Variants in UPP2 observed in about 807,000 individuals in gnomAD.
The protein encoded by UPP2 is uridine phosphorylase 2, also known as UPase 2.
UPP2 carries 23 observed loss-of-function variants against 26.7 expected under a neutral mutation model. The ratio of observed to expected loss-of-function variants is 0.86; its 90% CI spans 0.62 to 1.22. The LOEUF (loss-of-function observed/expected upper bound fraction) is 1.22, where lower values mean the gene tolerates loss of function less well. UPP2 is among the 50% of genes most tolerant of loss of function. The pLI, the probability that UPP2 is intolerant of heterozygous loss-of-function variation, is 0.00. For missense variants in UPP2, 387 were observed against 396.7 expected, an observed-to-expected ratio of 0.98 and a Z score of 0.21; for synonymous variants, 127 against 141.3, an observed-to-expected ratio of 0.90 and a Z score of 0.72.
chr2:158,044,657 GT>G (rs1359802458), intron 3 of UPP2, among the ~76,000 whole-genome samples: 1 of 152,150 alleles, frequency 6.6e-6, no homozygotes, highest in Non-Finnish European at 1.5e-5. Context: ...GTTCGATCAG[GT>G]ATTTTGGTTT....
intron 3 of UPP2, among the ~76,000 whole-genome samples, chr2:158,031,796 T>A (rs184056960): frequency 7.9e-4 from 120 of 152,334 alleles, no homozygotes; most frequent in Non-Finnish European, 1.6e-3. Flanking sequence ...ATTTCCTACA[T>A]TTTTGGTTTT....
chr2:158,118,954 G>A (rs887570355), intron 4 of UPP2, among the ~76,000 whole-genome samples: 2 of 152,018 alleles, frequency 1.3e-5, no homozygotes, highest in African/African-American at 2.4e-5. Context: ...TTACATCTGG[G>A]AGAAAGTAGG....
intron 3 of UPP2, 83 bp from the exon 4 acceptor site, chr2:158,117,741 T>C: frequency 1.8e-6 from 2 of 1,086,988 alleles, no homozygotes; most frequent in Non-Finnish European, 2.8e-6. Context: ...TGAGGCCTGT[T>C]AACTTGTAAT....
intron 2 of UPP2, among the ~76,000 whole-genome samples, chr2:158,015,231 A>G (rs1574246197): frequency 1.3e-5 from 2 of 151,946 alleles, no homozygotes; most frequent in Admixed American, 1.3e-4. Flanking sequence ...TTAAACAACA[A>G]CTTCCCACTC....
intron 3 of UPP2, among the ~76,000 whole-genome samples, chr2:158,076,708 G>C (rs1682635965): frequency 1.3e-5 from 2 of 151,970 alleles, no homozygotes; most frequent in Non-Finnish European, 2.9e-5. Flanking sequence ...CTCACAGCTA[G>C]TATAATCCTG....
chr2:158,089,099 C>T (rs931520487), intron 3 of UPP2, among the ~76,000 whole-genome samples: 4 of 151,990 alleles, frequency 2.6e-5, no homozygotes, highest in African/African-American at 9.7e-5. Context: ...GAAAGACCAT[C>T]AGGTGGGGGC....
At chr2:158,132,669 T>A (rs933413413) in intron 6 of UPP2, among the ~76,000 whole-genome samples, 3 of 151,952 alleles carry the variant, frequency 2.0e-5, no homozygotes, top group Admixed American at 2.0e-4. Context: ...TACAAGGAAC[T>A]CAAACAACTC....
chr2:158,057,371 C>T (rs1050874138), intron 3 of UPP2, among the ~76,000 whole-genome samples: 1 of 152,180 alleles, frequency 6.6e-6, no homozygotes, highest in Non-Finnish European at 1.5e-5. Context: ...GAAGATTTGT[C>T]TGTTTCCCCC....
At chr2:158,048,841 G>A (rs956180207) in intron 3 of UPP2, among the ~76,000 whole-genome samples, 2 of 152,198 alleles carry the variant, frequency 1.3e-5, no homozygotes, top group East Asian at 1.9e-4. Flanking sequence ...AAAGCCACAT[G>A]AGGGCTAGAG....
chr2:158,079,683 C>G (rs147006253), intron 3 of UPP2, among the ~76,000 whole-genome samples: 3 of 152,192 alleles, frequency 2.0e-5, no homozygotes, highest in Non-Finnish European at 4.4e-5. Flanking sequence ...TGAAAAAAAG[C>G]CTTTTCCAAT....
chr2:158,012,297 G>T lies in UPP2; in HGVS notation c.62-3504G>T, dbSNP rs532476475. On this transcript the variant is annotated intron_variant, in intron 2 of 9. Transcript: ENST00000605860. Reference sequence around the variant, plus strand: ...TTTTTTTTTTTTTTTTTGAGAGGGGGTCTCCAGTTGCCCAGGCTGGAGTAC... The same window carrying T: ...TTTTTTTTTTTTTTTTTGAGAGGGGTTCTCCAGTTGCCCAGGCTGGAGTAC... 6.2e-4 allele frequency among the ~76,000 whole-genome samples: 86 copies of T among 137,878 alleles called. No homozygotes were observed. In the East Asian group the frequency reaches 0.016, roughly 25 times the overall value. The allele number at this position is 137,878 out of a possible 152,430, so 90.5% of individuals were successfully genotyped here.
chr2:158,050,471 A>T (rs776043180), intron 3 of UPP2, among the ~76,000 whole-genome samples: 1 of 152,106 alleles, frequency 6.6e-6, no homozygotes, highest in Non-Finnish European at 1.5e-5. Flanking sequence ...AATTATAACC[A>T]TCAAATTTCA....
chr2:158,074,186 A>G lies in UPP2; in HGVS notation c.148-27854A>G, dbSNP rs571009276. On this transcript the variant is annotated intron_variant, in intron 3 of 9. Coordinates refer to the UPP2 transcript ENST00000605860. ...AGTGAGACCCTGTCTCAAAACAAAC[A>G]AACAAAATCCAAACAGAAAAGAAAG... 2.8e-3 allele frequency among the ~76,000 whole-genome samples: 429 copies of G among 152,306 alleles called. 3 individuals carry two copies. The highest frequency in any genetic ancestry group is 9.8e-3 in the African/African-American group (408 of 41,568).
chr2:158,102,625 T>C (rs1378544107), intron 1 of UPP2, among the ~76,000 whole-genome samples: 2 of 152,204 alleles, frequency 1.3e-5, no homozygotes, highest in South Asian at 2.1e-4. Flanking sequence ...CATGGGTAGA[T>C]ATAAAATTGC....
chr2:158,004,617 C>A (rs1430732733), intron 2 of UPP2, among the ~76,000 whole-genome samples: 1 of 152,204 alleles, frequency 6.6e-6, no homozygotes, highest in African/African-American at 2.4e-5. Flanking sequence ...TCATGAAGCT[C>A]TCTCCTCCTA....
intron 3 of UPP2, among the ~76,000 whole-genome samples, chr2:158,063,698 T>A (rs1682389539): frequency 6.6e-6 from 1 of 152,180 alleles, no homozygotes; most frequent in African/African-American, 2.4e-5. Flanking sequence ...GCTGCACCCA[T>A]CAGCCCATAA....
chr2:158,040,371 T>G (rs1459593751), intron 3 of UPP2, among the ~76,000 whole-genome samples: 1 of 152,198 alleles, frequency 6.6e-6, no homozygotes, highest in Non-Finnish European at 1.5e-5. Flanking sequence ...TTCATACATC[T>G]AGCATTACCA....
At chr2:158,011,033 G>A (rs965384731) in intron 2 of UPP2, among the ~76,000 whole-genome samples, 11 of 152,134 alleles carry the variant, frequency 7.2e-5, no homozygotes, top group African/African-American at 2.7e-4. Flanking sequence ...CCAAAGTGTT[G>A]GGATTACAGG....
intron 6 of UPP2, among the ~76,000 whole-genome samples, chr2:158,129,405 T>C (rs920133572): frequency 1.3e-5 from 2 of 152,210 alleles, no homozygotes; most frequent in Admixed American, 1.3e-4. Flanking sequence ...AACCAAATCA[T>C]GTGAGGCATG....
Sources: allele counts gnomAD v4.1 joint callset (sites outside exome capture counted in the v4.1 genomes callset), GRCh38; gene constraint gnomAD v4.1.1; transcripts MANE v1.5; gene names NCBI Gene and HGNC (gene_info 2026-07-23, HGNC 2026-07-21).